The following HELZ variants were observed in gnomAD, a reference collection of about 807,000 sequenced individuals.
HELZ encodes the protein helicase with zinc finger.
Under a neutral mutation model 218.2 loss-of-function variants are expected in HELZ, and 23 were observed. The observed-to-expected ratio is 0.11, with a 90% CI of 0.08 to 0.15. The LOEUF is 0.15. HELZ is among the 10% of genes least tolerant of loss of function. The pLI is 1.00. For synonymous variants in HELZ, 814 were observed against 829.4 expected (o/e 0.98, Z 0.32); for missense variants, 1,813 against 2,353.7 (o/e 0.77, Z 4.75).
Position 67,134,325 on chromosome 17 carries a change from C to T in HELZ, c.3182+1645G>A, listed in dbSNP as rs148902711. ...ACTTGAACCCAAGAGGCAGAGGTTG[C>T]GGTGAGCCGAGACTGCACCATTGCA... is the stretch of plus-strand genomic sequence containing the variant. On this transcript the variant is annotated intron_variant, in intron 23 of 32. Coordinates refer to ENST00000358691, the MANE Select transcript of HELZ (RefSeq NM_014877.4). Among the ~76,000 whole-genome samples the T allele has an allele frequency of 5.2e-4, 79 of 151,518 alleles. 4 individuals are homozygous for T. In the East Asian group the frequency reaches 0.013, roughly 26 times the overall value.
chr17:67,220,858 C>G lies in HELZ; in HGVS notation c.-18-2036G>C, dbSNP rs566443255. Among the ~76,000 whole-genome samples the G allele has an allele frequency of 7.7e-4, 112 of 145,070 alleles. 3 individuals carry two copies. Among genetic ancestry groups the G allele is most frequent in the African/African-American group, 2.7e-3 (107 of 39,704 alleles). On this transcript the variant is annotated intron_variant, in intron 3 of 32. Coordinates refer to ENST00000358691, the MANE Select transcript of HELZ (RefSeq NM_014877.4). ...GTGTTATTAAGATAACTCCCCCCCC[C>G]CCAAAAAAAAAGAGTACTGTATTCT...
At chr17:67,130,345 T>TA (rs941580803) in intron 23 of HELZ, among the ~76,000 whole-genome samples, 15 of 150,786 alleles carry the variant, frequency 9.9e-5, no homozygotes, top group Non-Finnish European at 1.5e-4. Context: ...AGAATTTTAA[T>TA]AAAAAAAATT....
chr17:67,095,418 T>G (rs1030378651), intron 31 of HELZ, among the ~76,000 whole-genome samples: 1 of 152,052 alleles, frequency 6.6e-6, no homozygotes, highest in Admixed American at 6.6e-5. Context: ...CATGGTGGTA[T>G]GTGCCTGTAG....
At chr17:67,154,735 T>G (rs983367510) in intron 17 of HELZ, among the ~76,000 whole-genome samples, 1 of 152,206 alleles carries the variant, frequency 6.6e-6, no homozygotes, top group Non-Finnish European at 1.5e-5. Context: ...ACCATGCTTG[T>G]AAGTGGTATT....
chr17:67,163,542 G>A (rs534722613), intron 15 of HELZ, among the ~76,000 whole-genome samples: 105 of 152,056 alleles, frequency 6.9e-4, no homozygotes, highest in Non-Finnish European at 1.1e-3. Context: ...GGGACTACAG[G>A]TGCCCACCAC....
At chr17:67,203,037 G>A (rs997170082) in intron 6 of HELZ, among the ~76,000 whole-genome samples, 2 of 151,790 alleles carry the variant, frequency 1.3e-5, no homozygotes, top group African/African-American at 2.4e-5. Flanking sequence ...CAGGAGGATC[G>A]CTTGAGCCCA....
intron 31 of HELZ, among the ~76,000 whole-genome samples, chr17:67,100,359 G>A (rs927460985): frequency 1.7e-4 from 26 of 152,144 alleles, no homozygotes; most frequent in Non-Finnish European, 3.4e-4. Flanking sequence ...TCTCTAAGAT[G>A]ATGTAAGTAA....
At chr17:67,115,852 A>T (rs1395073535) in intron 27 of HELZ, among the ~76,000 whole-genome samples, 2 of 152,186 alleles carry the variant, frequency 1.3e-5, no homozygotes, top group African/African-American at 2.4e-5. Flanking sequence ...ATCAGCTGGA[A>T]TCGTCAATAT....
At chr17:67,099,843 A>C (rs1277629696) in intron 31 of HELZ, among the ~76,000 whole-genome samples, 1 of 148,100 alleles carries the variant, frequency 6.8e-6, no homozygotes, top group African/African-American at 2.7e-5. Context: ...TGAAATTCTA[A>C]GTCTCATTAA....
intron 31 of HELZ, among the ~76,000 whole-genome samples, chr17:67,092,086 T>C (rs560542675): frequency 6.6e-6 from 1 of 152,330 alleles, no homozygotes; most frequent in Non-Finnish European, 1.5e-5. Context: ...TGTGGGTTCA[T>C]ATCTATGGGT....
At chr17:67,163,438 G>A (rs575110147) in intron 15 of HELZ, among the ~76,000 whole-genome samples, 10 of 151,358 alleles carry the variant, frequency 6.6e-5, no homozygotes, top group South Asian at 6.2e-4. Flanking sequence ...TCGCTCTGTC[G>A]CCCAGGCTGG....
chr17:67,089,466 G>C (rs1295759145), intron 31 of HELZ, among the ~76,000 whole-genome samples: 1 of 151,840 alleles, frequency 6.6e-6, no homozygotes. Flanking sequence ...GACATGCACA[G>C]CAGGCTCCGG....
At chr17:67,244,734 G>A (rs939858404) in intron 1 of HELZ, 18 of 984,754 alleles carry the variant, frequency 1.8e-5, no homozygotes, top group Non-Finnish European at 2.0e-5. Flanking sequence ...CATCGAGCGG[G>A]GCGTGGGAGG....
At position 67,070,449 on chromosome 17, in the gene HELZ, A is replaced by G. The variant is rs1330708298; in HGVS notation, c.*7803T>C. 1 of 152,238 alleles carries G rather than the reference A, an allele frequency of 6.6e-6. No individual in the cohort carries two copies. The highest frequency in any genetic ancestry group is 1.5e-5 in the Non-Finnish European group (1 of 68,040). 9.4% of individuals were successfully genotyped at this position (152,238 alleles called of 1,614,324 possible). A position where few individuals can be genotyped will look rare whatever the true frequency, so the allele number is the denominator to read the frequency against. On this transcript the variant is annotated 3_prime_UTR_variant, in exon 33 of 33. Transcript: ENST00000358691. ...ATAATAAACACATCTCCAAATTATT[A>G]AAAAGGCATTTTATTATAAATACAT...
intron 1 of HELZ, chr17:67,244,696 C>T (rs1339572451): frequency 1.0e-6 from 1 of 983,760 alleles, no homozygotes; most frequent in Non-Finnish European, 1.2e-6. Flanking sequence ...CCACCCCACC[C>T]GGTGGAAGTC....
At chr17:67,220,076 G>A (rs944122771) in intron 3 of HELZ, among the ~76,000 whole-genome samples, 1 of 151,996 alleles carries the variant, frequency 6.6e-6, no homozygotes, top group African/African-American at 2.4e-5. Flanking sequence ...CACCTTAACC[G>A]CTGGCCTTAC....
At chr17:67,120,286 C>T (rs2143822350) in intron 27 of HELZ, 119 bp downstream of exon 27, 1 of 820,600 alleles carries the variant, frequency 1.2e-6, no homozygotes, top group African/African-American at 1.7e-5. Flanking sequence ...GATTCTCTCT[C>T]AAAGAGGTCT....
intron 3 of HELZ, among the ~76,000 whole-genome samples, chr17:67,222,928 G>T (rs1363949149): frequency 6.6e-6 from 1 of 152,020 alleles, no homozygotes; most frequent in Non-Finnish European, 1.5e-5. Context: ...CTACCTGAAC[G>T]TAACAGCCAG....
At chr17:67,184,008 T>A (rs1162998900) in intron 12 of HELZ, among the ~76,000 whole-genome samples, 6 of 146,642 alleles carry the variant, frequency 4.1e-5, no homozygotes, top group South Asian at 2.2e-4. Flanking sequence ...CAGTAATATT[T>A]AAAAAAAAAA....
Sources: gnomAD v4.1 joint callset for allele counts (sites outside exome capture counted in the v4.1 genomes callset) on GRCh38, gnomAD v4.1.1 for gene constraint, MANE v1.5 for transcripts, NCBI Gene and HGNC (gene_info 2026-07-23, HGNC 2026-07-21) for gene names.